GABRB3: variants seen among roughly 807,000 people sequenced by gnomAD.
GABRB3 encodes gamma-aminobutyric acid receptor subunit beta-3.
GABRB3 carries 14 observed loss-of-function variants against 52.1 expected under a neutral mutation model. The ratio of observed to expected loss-of-function variants is 0.27; its 90% confidence interval spans 0.18 to 0.42. GABRB3 has a LOEUF of 0.42. GABRB3 is among the 10% of genes least tolerant of loss of function. The pLI, the probability that GABRB3 is intolerant of heterozygous loss-of-function variation, is 1.00. For synonymous variants in GABRB3, 260 were observed against 232.3 expected, an observed-to-expected ratio of 1.12 and a Z score of -1.08; for missense variants, 307 against 609.1, an observed-to-expected ratio of 0.50 and a Z score of 5.22.
intron 5 of GABRB3, chr15:26,581,344 G>C (rs28409021): frequency 1.3e-5 from 2 of 152,252 alleles, no homozygotes; most frequent in African/African-American, 4.8e-5. Context: ...TTTAATGTTA[G>C]TCAAACAAAT....
At chr15:26,683,771 T>C (rs1888314149) in intron 3 of GABRB3, among the ~76,000 whole-genome samples, 2 of 152,014 alleles carry the variant, frequency 1.3e-5, no homozygotes, top group Non-Finnish European at 2.9e-5. Context: ...TCTAAAACTA[T>C]ATAGGATTAT....
intron 3 of GABRB3, among the ~76,000 whole-genome samples, chr15:26,696,213 T>G (rs182958980): frequency 7.9e-5 from 12 of 152,326 alleles, no homozygotes; most frequent in African/African-American, 2.9e-4. Flanking sequence ...CAGTGCAGTC[T>G]CTGTCACTCT....
chr15:26,716,209 AACTGAATGCTACATGCT>A (rs1889461439), intron 3 of GABRB3, among the ~76,000 whole-genome samples: 2 of 152,188 alleles, frequency 1.3e-5, no homozygotes, highest in African/African-American at 2.4e-5. Flanking sequence ...AGCTCTCAGC[AACTGAATGCTACATGCT>A]GATCCTCTTC....
intron 3 of GABRB3, among the ~76,000 whole-genome samples, chr15:26,685,845 C>T (rs12902916): frequency 0.081 from 12,136 of 149,846 alleles, 584 homozygotes; most frequent in Middle Eastern, 0.15. Context: ...CACTCTGTCA[C>T]CCAGGCTGGA....
chr15:26,591,248 A>G (rs1238812583), intron 4 of GABRB3, among the ~76,000 whole-genome samples: 2 of 152,198 alleles, frequency 1.3e-5, no homozygotes, highest in African/African-American at 4.8e-5. Context: ...GCAATAGATA[A>G]CCGATACGAT....
At chr15:26,580,678 G>C in intron 5 of GABRB3, 1 of 639,680 alleles carries the variant, frequency 1.6e-6, no homozygotes, top group Non-Finnish European at 2.8e-6. Context: ...AAAGTCGAGA[G>C]GCTGGGGAGA....
intron 3 of GABRB3, among the ~76,000 whole-genome samples, chr15:26,692,696 A>G (rs1673271025): frequency 6.6e-6 from 1 of 152,234 alleles, no homozygotes. Context: ...TCACAAGTCT[A>G]CATGTGATAA....
chr15:26,612,317 T>C (rs181263912), intron 4 of GABRB3: 4 of 152,290 alleles, frequency 2.6e-5, no homozygotes, highest in Non-Finnish European at 5.9e-5. Flanking sequence ...ATAAGCAATA[T>C]GATTGTAAGA....
At chr15:26,600,927 T>C (rs1467571101) in intron 4 of GABRB3, among the ~76,000 whole-genome samples, 2 of 152,144 alleles carry the variant, frequency 1.3e-5, no homozygotes, top group Admixed American at 6.5e-5. Context: ...CCATAAATTG[T>C]CAGGGAAAAC....
At chr15:26,746,428 G>A (rs914345224) in intron 3 of GABRB3, among the ~76,000 whole-genome samples, 7 of 152,044 alleles carry the variant, frequency 4.6e-5, no homozygotes, top group African/African-American at 1.4e-4. Context: ...CAGAACAAAT[G>A]TTTTAATTTG....
chr15:26,763,139 T>C (rs1244982302), intron 3 of GABRB3, among the ~76,000 whole-genome samples: 1 of 152,156 alleles, frequency 6.6e-6, no homozygotes. Flanking sequence ...GTATCAGTGG[T>C]GAGAAATTAT....
At chr15:26,559,062 A>G (rs949833758) in intron 8 of GABRB3, among the ~76,000 whole-genome samples, 26 of 152,044 alleles carry the variant, frequency 1.7e-4, no homozygotes, top group African/African-American at 6.3e-4. Flanking sequence ...GTGGTATTAA[A>G]CCATTCATGA....
At chr15:26,655,928 T>C (rs1447191646) in intron 3 of GABRB3, among the ~76,000 whole-genome samples, 2 of 152,190 alleles carry the variant, frequency 1.3e-5, no homozygotes, top group East Asian at 3.8e-4. Context: ...GCATCATTGT[T>C]TTTTTGAGGG....
intron 3 of GABRB3, among the ~76,000 whole-genome samples, chr15:26,633,970 G>A (rs929751527): frequency 6.6e-6 from 1 of 152,086 alleles, no homozygotes; most frequent in African/African-American, 2.4e-5. Context: ...TCTCTAACTC[G>A]CTCAGTCAGG....
chr15:26,768,858 G>A (rs1183924928), intron 3 of GABRB3, among the ~76,000 whole-genome samples: 3 of 151,906 alleles, frequency 2.0e-5, no homozygotes. Flanking sequence ...AAAAAAATTG[G>A]AAATGCATAA....
chr15:26,660,307 G>A (rs1355762723), intron 3 of GABRB3, among the ~76,000 whole-genome samples: 2 of 152,074 alleles, frequency 1.3e-5, no homozygotes, highest in African/African-American at 4.8e-5. Flanking sequence ...AGTTGATTAG[G>A]AGAAATATGG....
At chr15:26,681,026 T>G (rs1888223619) in intron 3 of GABRB3, among the ~76,000 whole-genome samples, 1 of 152,234 alleles carries the variant, frequency 6.6e-6, no homozygotes, top group Non-Finnish European at 1.5e-5. Flanking sequence ...ATTACTTCAT[T>G]CTAATCCTTG....
At chr15:26,770,417 T>G (rs1222316464) in intron 3 of GABRB3, among the ~76,000 whole-genome samples, 1 of 152,250 alleles carries the variant, frequency 6.6e-6, no homozygotes, top group Non-Finnish European at 1.5e-5. Flanking sequence ...GGCCTGTATC[T>G]TCCATTTGTC....
chr15:26,591,539 G>A (rs1017613977), intron 4 of GABRB3, among the ~76,000 whole-genome samples: 6 of 152,134 alleles, frequency 3.9e-5, no homozygotes, highest in Non-Finnish European at 7.3e-5. Context: ...ACACAAAGCC[G>A]CAAACTGGCA....
Sources: gnomAD v4.1 joint callset for allele counts (sites outside exome capture counted in the v4.1 genomes callset) on GRCh38, gnomAD v4.1.1 for gene constraint, MANE v1.5 for transcripts, NCBI Gene and HGNC (gene_info 2026-07-23, HGNC 2026-07-21) for gene names.